The following NVL variants were observed in gnomAD, a reference collection of about 807,000 sequenced individuals.
NVL encodes the protein nuclear VCP like, also known as nuclear valosin-containing protein-like.
A neutral mutation model predicts 110.2 loss-of-function variants in NVL; 84 were observed. The ratio of observed to expected loss-of-function variants is 0.76; its 90% CI spans 0.64 to 0.91. The LOEUF (loss-of-function observed/expected upper bound fraction) is 0.91. Ranked by LOEUF, NVL falls within the 40% of genes least tolerant of loss-of-function variation. The pLI is 0.00. For synonymous variants in NVL, 354 were observed against 361.1 expected, an observed-to-expected ratio of 0.98 and a Z score of 0.22; for missense variants, 882 against 1,035.9, an observed-to-expected ratio of 0.85 and a Z score of 2.04.
At position 224,252,124 on chromosome 1, in the gene NVL, A is replaced by G. The variant is rs190390714; in HGVS notation, c.2183-1806T>C. 3.9e-5 allele frequency among the ~76,000 whole-genome samples: 6 copies of G among 152,000 alleles called. No homozygotes were observed. The East Asian group carries it at 1.2e-3, about 29-fold the overall frequency. Reference sequence around the variant, plus strand: ...CAGATGTCTTGCTGTTCCCTAAACAATCCAGAAGCTTCTTGCCTTCTCTGT... The same window carrying G: ...CAGATGTCTTGCTGTTCCCTAAACAGTCCAGAAGCTTCTTGCCTTCTCTGT... On this transcript the variant is annotated intron_variant, in intron 18 of 22. Transcript: ENST00000281701.
chr1:224,263,136 T>C (rs1243917503), intron 18 of NVL, among the ~76,000 whole-genome samples: 2 of 152,068 alleles, frequency 1.3e-5, no homozygotes, highest in East Asian at 3.8e-4. Flanking sequence ...TTAGAAGGGA[T>C]GGGAGAGAAA....
intron 4 of NVL, among the ~76,000 whole-genome samples, chr1:224,315,858 T>A (rs1051519764): frequency 1.3e-5 from 2 of 152,182 alleles, no homozygotes; most frequent in Non-Finnish European, 2.9e-5. Flanking sequence ...CAGCTTAATT[T>A]GTAATAGCCA....
At chr1:224,297,987 G>T (rs1459898644) in intron 10 of NVL, among the ~76,000 whole-genome samples, 1 of 149,844 alleles carries the variant, frequency 6.7e-6, no homozygotes, top group Non-Finnish European at 1.5e-5. Flanking sequence ...GGCAGAGGCT[G>T]CAGTGAGCTG....
At chr1:224,229,997 A>G (rs984824884) in intron 22 of NVL, among the ~76,000 whole-genome samples, 1 of 151,954 alleles carries the variant, frequency 6.6e-6, no homozygotes, top group Non-Finnish European at 1.5e-5. Flanking sequence ...ATGCCTGGCT[A>G]AGTTTTAATT....
At chr1:224,288,392 T>C (rs559299883) in intron 13 of NVL, among the ~76,000 whole-genome samples, 1 of 152,138 alleles carries the variant, frequency 6.6e-6, no homozygotes, top group Admixed American at 6.5e-5. Flanking sequence ...TTCATTAATA[T>C]GGTTCCTTGA....
chr1:224,244,266 C>G (rs1303557137), intron 19 of NVL, among the ~76,000 whole-genome samples: 1 of 151,042 alleles, frequency 6.6e-6, no homozygotes, highest in Admixed American at 6.6e-5. Context: ...ATTTGGGAGG[C>G]TGAGGCAGGA....
At chr1:224,307,446 A>G (rs1478319228) in intron 6 of NVL, among the ~76,000 whole-genome samples, 1 of 152,210 alleles carries the variant, frequency 6.6e-6, no homozygotes, top group Non-Finnish European at 1.5e-5. Context: ...TCACGCCTAC[A>G]ATCCCAGAAC....
At chr1:224,299,776 C>T (rs1472873735) in intron 10 of NVL, among the ~76,000 whole-genome samples, 1 of 152,162 alleles carries the variant, frequency 6.6e-6, no homozygotes, top group East Asian at 1.9e-4. Context: ...ACAGCTTTTT[C>T]AACGTCAGCC....
chr1:224,243,551 G>C (rs1661450529), intron 19 of NVL, among the ~76,000 whole-genome samples: 1 of 151,970 alleles, frequency 6.6e-6, no homozygotes, highest in African/African-American at 2.4e-5. Context: ...CACTTCAAAG[G>C]GAGTTTCAAG....
intron 1 of NVL, among the ~76,000 whole-genome samples, chr1:224,328,387 G>A (rs149383156): frequency 2.1e-3 from 321 of 151,772 alleles, no homozygotes; most frequent in Middle Eastern, 0.01. Flanking sequence ...AGGCGTGATG[G>A]CATGCACTTG....
At chr1:224,293,218 T>C (rs1307418869) in intron 12 of NVL, among the ~76,000 whole-genome samples, 1 of 151,954 alleles carries the variant, frequency 6.6e-6, no homozygotes, top group African/African-American at 2.4e-5. Context: ...TACAGGAGCC[T>C]GCCACCATGC....
chr1:224,250,394 T>C, intron 18 of NVL, 76 bp from the exon 19 acceptor site: 1 of 1,307,428 alleles, frequency 7.6e-7, no homozygotes, highest in South Asian at 1.7e-5. Flanking sequence ...AGAGAGGGTC[T>C]TGTTCCATCT....
intron 4 of NVL, chr1:224,312,994 C>G (rs1345094215): frequency 4.2e-6 from 1 of 239,386 alleles, no homozygotes. Context: ...TCTGTCTCTA[C>G]AAAAAAATTA....
At chr1:224,243,827 A>G (rs1458842581) in intron 19 of NVL, among the ~76,000 whole-genome samples, 1 of 151,396 alleles carries the variant, frequency 6.6e-6, no homozygotes, top group African/African-American at 2.4e-5. Flanking sequence ...ACACCCAGCT[A>G]ATTTTTGTAT....
In NVL at chr1:224,231,240, A is replaced by G; in HGVS notation, c.2512T>C (p.Ser838Pro). 1 of 1,611,926 alleles carries G rather than the reference A, an allele frequency of 6.2e-7. No homozygotes were observed. The highest frequency in any genetic ancestry group is 8.5e-7 in the Non-Finnish European group (1 of 1,178,986). ...FEEAFKKVRSSISKKDQIMYE... is the reference protein window; with the variant it reads ...FEEAFKKVRSPISKKDQIMYE... ...GCATTGCTTACCTTTTTTGATATAGATGATCTTACTTTCTTGAAAGCTTCT... is the reference window on the plus strand; with the variant it reads ...GCATTGCTTACCTTTTTTGATATAGGTGATCTTACTTTCTTGAAAGCTTCT... Residue 838 changes from serine (S) to proline (P), a missense_variant, in exon 22 of 23, where the codon TCT becomes CCT. Ser to Pro is a moderately conservative substitution (Grantham distance 74). Coordinates refer to ENST00000281701, the MANE Select transcript of NVL (RefSeq NM_002533.4).
At chr1:224,319,277 CA>C (rs1040813673) in intron 2 of NVL, among the ~76,000 whole-genome samples, 2 of 151,036 alleles carry the variant, frequency 1.3e-5, no homozygotes, top group Non-Finnish European at 2.9e-5. Context: ...AAATTATTCC[CA>C]AAAAATGGTC....
At chr1:224,234,371 T>C (rs908672316) in intron 20 of NVL, among the ~76,000 whole-genome samples, 6 of 152,000 alleles carry the variant, frequency 3.9e-5, no homozygotes, top group Admixed American at 3.9e-4. Flanking sequence ...AAAGAAAAGA[T>C]GAAAATGAAA....
intron 18 of NVL, among the ~76,000 whole-genome samples, chr1:224,259,003 A>G (rs1322520791): frequency 1.7e-5 from 2 of 121,020 alleles, no homozygotes; most frequent in Non-Finnish European, 3.6e-5. Flanking sequence ...AAAAAAAAAA[A>G]GGAAAGTAGA....
intron 18 of NVL, among the ~76,000 whole-genome samples, chr1:224,257,640 G>A (rs1663442013): frequency 3.3e-5 from 5 of 151,964 alleles, no homozygotes; most frequent in Admixed American, 1.3e-4. Flanking sequence ...CAATCCTCCC[G>A]CCATAGCCTC....
Sources: gnomAD v4.1 joint callset for allele counts (sites outside exome capture counted in the v4.1 genomes callset) on GRCh38, gnomAD v4.1.1 for gene constraint, MANE v1.5 for transcripts, NCBI Gene and HGNC (gene_info 2026-07-23, HGNC 2026-07-21) for gene names.